PIWIL2: variants seen among roughly 807,000 people sequenced by gnomAD.
PIWIL2 encodes piwi-like protein 2.
A neutral mutation model predicts 116.5 loss-of-function variants in PIWIL2; 81 were observed. The observed-to-expected ratio is 0.70, with a 90% CI of 0.58 to 0.84. The LOEUF (loss-of-function observed/expected upper bound fraction) is 0.84. Ranked by LOEUF, PIWIL2 falls within the 40% of genes least tolerant of loss-of-function variation. The pLI is 0.00. For missense variants in PIWIL2, 1,272 were observed against 1,212.3 expected (o/e 1.05, Z -0.73); for synonymous variants, 489 against 429.5 (o/e 1.14, Z -1.71).
At position 22,355,575 on chromosome 8, in the gene PIWIL2, T is replaced by A; in HGVS notation, c.*70T>A. ...GAACTCAGCTGTGACTCTTGCAGAA[T>A]CAACAGAGACTGAAGTGGGCTTTTG... On this transcript the variant is annotated 3_prime_UTR_variant, in exon 23 of 23. Coordinates refer to ENST00000356766, the MANE Select transcript of PIWIL2 (RefSeq NM_018068.5). 7.1e-7 allele frequency: 1 copy of A among 1,404,222 alleles called. No individual in the cohort carries two copies. Among genetic ancestry groups the A allele is most frequent in the Non-Finnish European group, 9.9e-7 (1 of 1,007,370 alleles). The allele number at this position is 1,404,222 out of a possible 1,614,324, so 87.0% of individuals were successfully genotyped here. A position where few individuals can be genotyped will look rare whatever the true frequency, so the allele number is the denominator to read the frequency against.
chr8:22,325,251 C>T (rs890957331), intron 20 of PIWIL2, among the ~76,000 whole-genome samples: 2 of 152,154 alleles, frequency 1.3e-5, no homozygotes, highest in African/African-American at 2.4e-5. Context: ...GAGAAATCTA[C>T]CTAGTGGAGA....
Position 22,278,294 on chromosome 8 carries a change from C to A in PIWIL2, c.-46-1047C>A, listed in dbSNP as rs905596563. ...CCAGCATTTTGGGATGCTGAGGCAG[C>A]AGATCTCTTGAGCCCAGGTGTTTGA... On this transcript the variant is annotated intron_variant, in intron 1 of 22. Transcript: ENST00000356766. Among the ~76,000 whole-genome samples the A allele has an allele frequency of 3.3e-5, 5 of 152,172 alleles. No individual in the cohort carries two copies. In the East Asian group the frequency reaches 7.7e-4, roughly 23 times the overall value.
intron 20 of PIWIL2, among the ~76,000 whole-genome samples, chr8:22,341,160 G>C (rs997223820): frequency 6.6e-6 from 1 of 151,968 alleles, no homozygotes; most frequent in Non-Finnish European, 1.5e-5. Flanking sequence ...CAACCAAGTG[G>C]GTTTTATTCC....
At chr8:22,337,918 A>AC (rs1264447138) in intron 20 of PIWIL2, among the ~76,000 whole-genome samples, 21 of 151,700 alleles carry the variant, frequency 1.4e-4, no homozygotes, top group African/African-American at 5.1e-4. Flanking sequence ...ACATGGCAAA[A>AC]CCCCGTCTCT....
intron 20 of PIWIL2, among the ~76,000 whole-genome samples, chr8:22,325,481 CT>C (rs749493740): frequency 0.19 from 17,949 of 94,126 alleles, 616 homozygotes; most frequent in Non-Finnish European, 0.26. Context: ...TTGATTTAGT[CT>C]TTTTTTTTTT....
At chr8:22,291,402 C>T (rs1250639639) in intron 10 of PIWIL2, among the ~76,000 whole-genome samples, 1 of 152,126 alleles carries the variant, frequency 6.6e-6, no homozygotes, top group Non-Finnish European at 1.5e-5. Context: ...CTGCCCGCCT[C>T]AGCCTCCCAA....
intron 10 of PIWIL2, among the ~76,000 whole-genome samples, chr8:22,293,316 A>G (rs563553462): frequency 6.6e-6 from 1 of 152,150 alleles, no homozygotes; most frequent in African/African-American, 2.4e-5. Context: ...CTTCAAAAAA[A>G]CAGAACTAGT....
At chr8:22,333,146 A>G (rs1447047026) in intron 20 of PIWIL2, among the ~76,000 whole-genome samples, 1 of 152,158 alleles carries the variant, frequency 6.6e-6, no homozygotes, top group Non-Finnish European at 1.5e-5. Flanking sequence ...CTCTAGGGTA[A>G]CTACGAAAGG....
At chr8:22,291,862 TAATA>T (rs2132004095) in intron 10 of PIWIL2, among the ~76,000 whole-genome samples, 1 of 152,150 alleles carries the variant, frequency 6.6e-6, no homozygotes, top group Admixed American at 6.5e-5. Flanking sequence ...ATAATAAATG[TAATA>T]AATAAATTGT....
At chr8:22,308,165 ATGTT>A (rs752681860) in intron 14 of PIWIL2, 92 bp downstream of exon 14, 420 of 1,004,156 alleles carry the variant, frequency 4.2e-4, no homozygotes, top group African/African-American at 1.2e-3. Context: ...TATATTTTGA[ATGTT>A]TGTCCATGTC....
rs546163522 is a variant in PIWIL2 at position 22,323,238 on chromosome 8, C to G, written c.2403+4963C>G. Among the ~76,000 whole-genome samples the G allele has an allele frequency of 4.4e-4, 66 of 151,420 alleles. 2 individuals carry two copies. In the East Asian group the frequency reaches 0.012, roughly 27 times the overall value. ...TCTCGGCTCACTGCAACCTCCGCCT[C>G]CCGGGTTCAAGCAATTCTTCTGCCT... On this transcript the variant is annotated intron_variant, in intron 20 of 22. Transcript: ENST00000356766.
chr8:22,287,625 C>G lies in PIWIL2; in HGVS notation c.841C>G (p.Leu281Val), dbSNP rs745587876. The G allele has an allele frequency of 1.2e-6, 2 of 1,606,694 alleles. No homozygotes were observed. Among genetic ancestry groups the G allele is most frequent in the Non-Finnish European group, 8.5e-7 (1 of 1,173,158 alleles). ...VTAFDGSILY[L>V]PVKLQQVLEL... ...TGCGTTTGATGGATCTATTCTCTATCTGCCTGTTAAGCTTCAACAAGTGAG... is the reference window on the plus strand; with the variant it reads ...TGCGTTTGATGGATCTATTCTCTATGTGCCTGTTAAGCTTCAACAAGTGAG... Residue 281 changes from leucine (L) to valine (V), a missense_variant, in exon 7 of 23, where the codon CTG becomes GTG. Physicochemically the swap from Leu to Val is conservative, Grantham distance 32. Transcript: ENST00000356766.
chr8:22,348,978 G>C (rs191031711), intron 20 of PIWIL2, among the ~76,000 whole-genome samples: 1 of 152,096 alleles, frequency 6.6e-6, no homozygotes, highest in East Asian at 1.9e-4. Context: ...TCAGTGGTTA[G>C]TTGGCAAATG....
At chr8:22,328,005 A>C (rs1387406628) in intron 20 of PIWIL2, among the ~76,000 whole-genome samples, 2 of 151,900 alleles carry the variant, frequency 1.3e-5, no homozygotes, top group African/African-American at 4.8e-5. Context: ...TTTGGTGCTC[A>C]ATCTAAGAAT....
intron 10 of PIWIL2, among the ~76,000 whole-genome samples, chr8:22,299,433 C>T (rs1830991926): frequency 6.6e-6 from 1 of 152,032 alleles, no homozygotes; most frequent in African/African-American, 2.4e-5. Context: ...GTCTTGAACT[C>T]CTGACCTCAG....
chr8:22,342,534 CTT>C (rs1197364232), intron 20 of PIWIL2, among the ~76,000 whole-genome samples: 1 of 152,178 alleles, frequency 6.6e-6, no homozygotes, highest in Non-Finnish European at 1.5e-5. Flanking sequence ...GAAAAACAAT[CTT>C]TTCAAAAAAT....
At chr8:22,292,337 A>C (rs1830785680) in intron 10 of PIWIL2, among the ~76,000 whole-genome samples, 5 of 152,184 alleles carry the variant, frequency 3.3e-5, no homozygotes, top group African/African-American at 9.6e-5. Flanking sequence ...TGAGGATGGA[A>C]GTGGGAACAC....
chr8:22,299,988 G>A (rs566926271), intron 10 of PIWIL2, among the ~76,000 whole-genome samples: 1 of 151,976 alleles, frequency 6.6e-6, no homozygotes, highest in East Asian at 1.9e-4. Context: ...CACCCAGGCT[G>A]GAGTGCAATG....
At chr8:22,351,439 A>ATAT (rs1832352814) in intron 20 of PIWIL2, among the ~76,000 whole-genome samples, 1 of 52,190 alleles carries the variant, frequency 1.9e-5, no homozygotes, top group Non-Finnish European at 3.6e-5. Context: ...GTGCATACAT[A>ATAT]CATATATATA....
Sources: gnomAD v4.1 joint callset for allele counts (sites outside exome capture counted in the v4.1 genomes callset) on GRCh38, gnomAD v4.1.1 for gene constraint, MANE v1.5 for transcripts, NCBI Gene and HGNC (gene_info 2026-07-23, HGNC 2026-07-21) for gene names.